TBCD: variants seen among roughly 807,000 people sequenced by gnomAD.
TBCD encodes tubulin folding cofactor D, also known as tubulin-specific chaperone D.
TBCD carries 105 observed loss-of-function variants against 169.3 expected under a neutral mutation model. That is an observed-to-expected ratio of 0.62 (90% CI 0.53 to 0.73). TBCD has a LOEUF of 0.73. Among genes scored for constraint, TBCD ranks in the 30% least tolerant of loss-of-function variants. TBCD has a pLI of 0.00. For missense variants in TBCD, 1,444 were observed against 1,600.1 expected (o/e 0.90, Z 1.66); for synonymous variants, 700 against 643.9 (o/e 1.09, Z -1.32).
chr17:82,906,048 G>T lies in TBCD; in HGVS notation c.1917G>T (p.Glu639Asp), dbSNP rs760875110. The T allele has an allele frequency of 1.2e-6, 2 of 1,602,866 alleles. No homozygotes were observed. The highest frequency in any genetic ancestry group is 3.4e-5 in the Admixed American group (2 of 58,220). Residue 639 changes from glutamate (E) to aspartate (D), a missense_variant, in exon 20 of 39, where the codon GAG becomes GAT. By Grantham distance (45) the Glu-to-Asp change is conservative. Transcript: ENST00000355528. ...CCTTGTACAAACTTGCAGCCCAAGA[G>T]AACAGGTAGGAAGAGTGGGTCTCGA... ...AYALYKLAAQ[E>D]NRPVTDHLDE...
At position 82,929,657 on chromosome 17, in the gene TBCD, TC is replaced by T. The variant is rs1195115847; in HGVS notation, c.2991+159del. On this transcript the variant is annotated intron_variant, in intron 32 of 38. Coordinates refer to ENST00000355528, the MANE Select transcript of TBCD (RefSeq NM_005993.5). ...TTAGGGGGTCAGGGGCCCAGTGTCTTCCTCATGACCCAGGAGGCTTAGGGCC... is the reference window on the plus strand; with the variant it reads ...TTAGGGGGTCAGGGGCCCAGTGTCTTCTCATGACCCAGGAGGCTTAGGGCC... The T allele has an allele frequency of 2.2e-5, 23 of 1,042,364 alleles. No homozygotes were observed. In the East Asian group the frequency reaches 6.0e-4, roughly 27 times the overall value. The allele number at this position is 1,042,364 out of a possible 1,614,324, so 64.6% of individuals were successfully genotyped here. A position where few individuals can be genotyped will look rare whatever the true frequency, so the allele number is the denominator to read the frequency against.
Position 82,900,728 on chromosome 17 carries a change from A to T in TBCD, c.1727A>T (p.Asp576Val). The change falls in exon 18 of 39, where the codon GAT (aspartate) becomes GTT (valine). Residue 576 changes from aspartate to valine, a missense_variant. Coordinates refer to ENST00000355528, the MANE Select transcript of TBCD (RefSeq NM_005993.5). ...GTTACCATGAAGATCAGCCACTGGG[A>T]TGGGTAGGTTTTCTGTTTTTGTTTT... is the stretch of plus-strand genomic sequence containing the variant. ...HLVTMKISHW[D>V]GVIRELAARA... 6.2e-7 allele frequency: 1 copy of T among 1,613,468 alleles called. No homozygotes were observed. Among genetic ancestry groups the T allele is most frequent in the Non-Finnish European group, 8.5e-7 (1 of 1,179,492 alleles).
At position 82,937,339 on chromosome 17, in the gene TBCD, A is replaced by C; in HGVS notation, c.3260A>C (p.Lys1087Thr). 1 of 1,614,004 alleles carries C rather than the reference A, an allele frequency of 6.2e-7. No individual in the cohort carries two copies. Among genetic ancestry groups the C allele is most frequent in the Non-Finnish European group, 8.5e-7 (1 of 1,179,890 alleles). Residue 1087 changes from lysine (K) to threonine (T), a missense_variant, in exon 35 of 39, where the codon AAG becomes ACG. Transcript: ENST00000355528. ...KEIKNSKDIQ[K>T]LLSGIAVFCE... ...ATCAAGAATTCAAAAGATATCCAGA[A>C]GCTCCTGTCAGGCATCGCAGTGTGA... is the stretch of plus-strand genomic sequence containing the variant.
At chr17:82,794,559 T>C (rs1162264090) in intron 7 of TBCD, among the ~76,000 whole-genome samples, 2 of 152,190 alleles carry the variant, frequency 1.3e-5, no homozygotes, top group South Asian at 2.1e-4. Flanking sequence ...GCCTAGCTTA[T>C]GAGCACTCAA....
chr17:82,861,793 AG>A (rs2056787599), intron 13 of TBCD, among the ~76,000 whole-genome samples: 1 of 152,326 alleles, frequency 6.6e-6, no homozygotes, highest in South Asian at 2.1e-4. Context: ...GAATTTTAAT[AG>A]GGAATTTTCT....
chr17:82,871,878 C>T (rs1003121995), intron 14 of TBCD, among the ~76,000 whole-genome samples: 3 of 152,144 alleles, frequency 2.0e-5, no homozygotes, highest in East Asian at 1.9e-4. Context: ...CTCACGCACC[C>T]GGGTGTAAGC....
chr17:82,801,211 C>T (rs1233637239), intron 9 of TBCD, among the ~76,000 whole-genome samples: 1 of 152,110 alleles, frequency 6.6e-6, no homozygotes, highest in Non-Finnish European at 1.5e-5. Context: ...CTCTGGAGGG[C>T]AGGCCGAGCC....
Position 82,942,446 on chromosome 17 carries a change from C to T in TBCD, c.3565-3C>T. ...GCCTGAGCTTGTCTTGTCTCTTCTT[C>T]AGCCTGGTGCCTGCTGAAGCCAGTC... On this transcript the variant is annotated splice_region_variant and splice_polypyrimidine_tract_variant and intron_variant, in intron 38 of 38. Coordinates refer to ENST00000355528, the MANE Select transcript of TBCD (RefSeq NM_005993.5). 1 of 1,613,994 alleles carries T rather than the reference C, an allele frequency of 6.2e-7. No individual in the cohort carries two copies. Among genetic ancestry groups the T allele is most frequent in the Non-Finnish European group, 8.5e-7 (1 of 1,179,888 alleles).
chr17:82,914,566 A>G (rs62076068), intron 23 of TBCD, among the ~76,000 whole-genome samples: 39,096 of 152,080 alleles, frequency 0.26, 5,011 homozygotes, highest in Middle Eastern at 0.31. Flanking sequence ...ACTCCTGCAC[A>G]TGTCGCCTCG....
chr17:82,870,478 A>G (rs1351246321), intron 14 of TBCD, 98 bp downstream of exon 14: 3 of 1,433,942 alleles, frequency 2.1e-6, no homozygotes, highest in Non-Finnish European at 2.8e-6. Context: ...GATGCTCGTG[A>G]AAAGGTGAAA....
At position 82,889,553 on chromosome 17, in the gene TBCD, T is replaced by C. The variant is rs150290800; in HGVS notation, c.1534-115T>C. On this transcript the variant is annotated intron_variant, in intron 15 of 38. Coordinates refer to ENST00000355528, the MANE Select transcript of TBCD (RefSeq NM_005993.5). This position sits in a 1 kb window ranked among gnomAD's most constrained non-coding sequence, Gnocchi z 5.3. ...CTGTTCAGCCAACAATGAGGGCTTT[T>C]ATTTAAAAAATAAAGCCGTGGGTCA... 829 of 1,291,948 alleles carry C rather than the reference T, an allele frequency of 6.4e-4. 8 individuals are homozygous for C. In the East Asian group the frequency reaches 0.017, roughly 27 times the overall value. The allele number at this position is 1,291,948 out of a possible 1,614,324, so 80.0% of individuals were successfully genotyped here.
intron 33 of TBCD, among the ~76,000 whole-genome samples, chr17:82,931,022 A>T (rs1040229858): frequency 6.6e-6 from 1 of 152,218 alleles, no homozygotes; most frequent in Admixed American, 6.5e-5. Flanking sequence ...GGCAAGTGAG[A>T]GCTCTGTGTT....
rs1297823942 is a variant in TBCD at position 82,930,849 on chromosome 17, CCTCTT to C, written c.3113+209_3113+213del. On this transcript the variant is annotated intron_variant, in intron 33 of 38. Coordinates refer to ENST00000355528, the MANE Select transcript of TBCD (RefSeq NM_005993.5). The surrounding 1 kb of genome is among the most constrained non-coding windows in gnomAD (Gnocchi z 5.2). ...CGGCCAGGCCTCAGCCCCTGCGCCT[CCTCTT>C]CTAGCCTCCACATGAGGCAGGGAAA... Among the ~76,000 whole-genome samples the C allele has an allele frequency of 1.3e-5, 2 of 152,216 alleles. No individual in the cohort carries two copies. Among genetic ancestry groups the C allele is most frequent in the African/African-American group, 4.8e-5 (2 of 41,448 alleles).
intron 12 of TBCD, among the ~76,000 whole-genome samples, chr17:82,810,521 G>A (rs1173475368): frequency 2.9e-5 from 3 of 102,428 alleles, no homozygotes; most frequent in Non-Finnish European, 5.8e-5. Flanking sequence ...CTGGGTCTTG[G>A]GACCGTGTGG....
chr17:82,858,406 C>A (rs981718185), intron 13 of TBCD: 1 of 174,316 alleles, frequency 5.7e-6, no homozygotes, highest in Admixed American at 6.5e-5. Flanking sequence ...TTCACACCTT[C>A]CTAATTTTGT....
At chr17:82,914,635 G>A (rs1199543908) in intron 23 of TBCD, among the ~76,000 whole-genome samples, 1 of 152,178 alleles carries the variant, frequency 6.6e-6, no homozygotes, top group East Asian at 1.9e-4. Flanking sequence ...CTCCCTGGGG[G>A]CCCCTTGGCT....
At chr17:82,846,725 C>T (rs2055155129) in intron 13 of TBCD, among the ~76,000 whole-genome samples, 1 of 152,238 alleles carries the variant, frequency 6.6e-6, no homozygotes, top group Non-Finnish European at 1.5e-5. Flanking sequence ...GGTCACAGCC[C>T]TTCCCCTGTG....
At chr17:82,926,569 C>T (rs1028818184) in intron 28 of TBCD, 78 bp downstream of exon 28, 6 of 1,261,302 alleles carry the variant, frequency 4.8e-6, no homozygotes, top group South Asian at 1.3e-5. Context: ...GATGTTTTTG[C>T]TCAGAGGCAG....
At chr17:82,868,404 C>G (rs1056782414) in intron 13 of TBCD, among the ~76,000 whole-genome samples, 1 of 152,146 alleles carries the variant, frequency 6.6e-6, no homozygotes. Flanking sequence ...TCCCCCGGGC[C>G]TCTGTGTGCA....
Sources: gnomAD v4.1 joint callset for allele counts (sites outside exome capture counted in the v4.1 genomes callset) on GRCh38, gnomAD v4.1.1 for gene constraint, Gnocchi (gnomAD v3.1) non-coding constraint, MANE v1.5 for transcripts, NCBI Gene and HGNC (gene_info 2026-07-23, HGNC 2026-07-21) for gene names.